Variants in CLRN1 observed in about 807,000 individuals in gnomAD.
CLRN1 encodes clarin 1, also known as clarin-1.
In CLRN1, 15 loss-of-function variants were observed where a neutral mutation model predicts 18.7. The ratio of observed to expected loss-of-function variants is 0.80; its 90% confidence interval spans 0.54 to 1.23. The LOEUF (loss-of-function observed/expected upper bound fraction) is 1.23. Among genes scored for constraint, CLRN1 ranks in the 50% most tolerant of loss-of-function variants. The probability of loss-of-function intolerance (pLI) is 0.00; values close to 1 mark genes in which losing one functional copy is unlikely to be tolerated. For missense variants in CLRN1, 311 were observed against 277.5 expected (o/e 1.12, Z -0.86); for synonymous variants, 104 against 102.9 (o/e 1.01, Z -0.07).
intron 1 of CLRN1, among the ~76,000 whole-genome samples, chr3:150,949,189 G>A (rs1297423478): frequency 1.3e-5 from 2 of 152,042 alleles, no homozygotes; most frequent in Non-Finnish European, 2.9e-5. Context: ...CAATAAACTA[G>A]GTATTAAAGG....
At chr3:150,948,932 T>C (rs1175010382) in intron 1 of CLRN1, among the ~76,000 whole-genome samples, 1 of 152,148 alleles carries the variant, frequency 6.6e-6, no homozygotes, top group Non-Finnish European at 1.5e-5. Flanking sequence ...CCGATATCCG[T>C]GATGAACATC....
chr3:150,957,805 T>C (rs548062947), intron 1 of CLRN1, among the ~76,000 whole-genome samples: 1 of 152,210 alleles, frequency 6.6e-6, no homozygotes, highest in South Asian at 2.1e-4. Flanking sequence ...TACAAGTGTG[T>C]GCCACCACGC....
rs569110935 is a variant in CLRN1, at chr3:150,926,920, T to C, written c.*1016A>G. ...ATTCAGGGGAAAAAAAAAGTTGACC[T>C]GGGTCATGCTTGGTGACAGCCAGAA... On this transcript the variant is annotated 3_prime_UTR_variant, in exon 3 of 3. Transcript: ENST00000327047. 1.1e-5 allele frequency: 17 copies of C among 1,613,862 alleles called. No homozygotes were observed. Among genetic ancestry groups the C allele is most frequent in the Non-Finnish European group, 1.4e-5 (17 of 1,179,962 alleles).
intron 2 of CLRN1, among the ~76,000 whole-genome samples, chr3:150,929,609 T>G (rs9840380): frequency 0.6 from 90,398 of 151,880 alleles, 28,690 homozygotes; most frequent in Non-Finnish European, 0.7. Flanking sequence ...TGCATTTGGC[T>G]TTGTAATTGA....
intron 1 of CLRN1, among the ~76,000 whole-genome samples, chr3:150,964,265 TC>T (rs1415874404): frequency 1.3e-5 from 2 of 152,254 alleles, no homozygotes; most frequent in East Asian, 3.9e-4. Flanking sequence ...CGGACACTTC[TC>T]AAAAGAAGAC....
In CLRN1 at chr3:150,928,442, GA is replaced by G. The variant is rs201571924; in HGVS notation, c.434-242del. ...GTGTGTGCGTGTAGGAGTGCAGTGG[GA>G]GGTAAGGAGGTGGTTAGAATTAAGC... On this transcript the variant is annotated intron_variant, in intron 2 of 2. Transcript: ENST00000327047. Among the ~76,000 whole-genome samples, 550 of 152,328 alleles carry G rather than the reference GA, an allele frequency of 3.6e-3. 4 individuals are homozygous for G. The highest frequency in any genetic ancestry group is 0.012 in the African/African-American group (497 of 41,568).
At chr3:150,968,758 C>G (rs7634871) in intron 1 of CLRN1, among the ~76,000 whole-genome samples, 9,523 of 152,170 alleles carry the variant, frequency 0.063, 520 homozygotes, top group East Asian at 0.15. Flanking sequence ...CACCATCAAT[C>G]ACCAACTTGT....
intron 2 of CLRN1, among the ~76,000 whole-genome samples, chr3:150,933,036 G>T (rs913343912): frequency 6.6e-5 from 10 of 152,136 alleles, no homozygotes; most frequent in Admixed American, 1.3e-4. Context: ...AAGAAGAAAT[G>T]GTCTAAAAAT....
At chr3:150,969,948 G>A (rs1432148721) in intron 1 of CLRN1, among the ~76,000 whole-genome samples, 1 of 152,152 alleles carries the variant, frequency 6.6e-6, no homozygotes, top group Admixed American at 6.5e-5. Context: ...CGAAGTGATT[G>A]TTACCTTGAT....
At position 150,941,611 on chromosome 3, in the gene CLRN1, A is replaced by G; in HGVS notation, c.404T>C (p.Leu135Pro). The change falls in exon 2 of 3, where the codon CTA becomes CCA. Residue 135 changes from leucine (L) to proline (P), a missense_variant. Coordinates refer to ENST00000327047, the MANE Select transcript of CLRN1 (RefSeq NM_174878.3). ...AATGAAGCTCAAAAGGTACAGCCCT[A>G]GGGGACCATGCAGAGTTTCAAAAGG... is the stretch of plus-strand genomic sequence containing the variant. Reference protein sequence around the residue: ...GKPFETLHGPLGLYLLSFISG... With the variant: ...GKPFETLHGPPGLYLLSFISG... The G allele has an allele frequency of 6.2e-7, 1 of 1,614,046 alleles. No homozygotes were observed. The highest frequency in any genetic ancestry group is 8.5e-7 in the Non-Finnish European group (1 of 1,179,928).
intron 1 of CLRN1, among the ~76,000 whole-genome samples, chr3:150,950,774 C>T (rs777032767): frequency 6.6e-6 from 1 of 152,116 alleles, no homozygotes; most frequent in Non-Finnish European, 1.5e-5. Context: ...GCAGAACGAC[C>T]ATTTGACCCA....
intron 2 of CLRN1, among the ~76,000 whole-genome samples, chr3:150,928,824 C>G (rs939915941): frequency 1.3e-5 from 2 of 152,142 alleles, no homozygotes; most frequent in Non-Finnish European, 2.9e-5. Context: ...ATGTGAGTGT[C>G]TTGAATTAAG....
downstream of CLRN1, chr3:150,926,471 C>A (rs1025789946): frequency 5.4e-6 from 2 of 372,004 alleles, no homozygotes; most frequent in Non-Finnish European, 1.0e-5. Flanking sequence ...GGGCTCTAGC[C>A]TGTTACCAAA....
At chr3:150,942,678 A>G (rs1713924500) in intron 1 of CLRN1, 1 of 415,522 alleles carries the variant, frequency 2.4e-6, no homozygotes, top group Non-Finnish European at 4.8e-6. Flanking sequence ...GCAAACAAAC[A>G]AATAAACGTG....
chr3:150,944,311 G>C (rs1222642744), intron 1 of CLRN1: 6 of 186,214 alleles, frequency 3.2e-5, no homozygotes, highest in African/African-American at 1.4e-4. Flanking sequence ...GCGAGGAGTT[G>C]GCTTTTTATT....
chr3:150,955,998 C>G (rs1714721083), intron 1 of CLRN1, among the ~76,000 whole-genome samples: 1 of 152,156 alleles, frequency 6.6e-6, no homozygotes, highest in African/African-American at 2.4e-5. Flanking sequence ...GTTTTGAAAT[C>G]ACCTTCTGTT....
At chr3:150,948,581 C>T (rs1714310785) in intron 1 of CLRN1, among the ~76,000 whole-genome samples, 1 of 151,604 alleles carries the variant, frequency 6.6e-6, no homozygotes. Context: ...CTATGAACAC[C>T]CATATGCACA....
chr3:150,937,943 G>A (rs1464731933), intron 2 of CLRN1, among the ~76,000 whole-genome samples: 1 of 152,142 alleles, frequency 6.6e-6, no homozygotes, highest in Non-Finnish European at 1.5e-5. Flanking sequence ...GTGTGGAAAG[G>A]TCCAGATAGA....
At chr3:150,968,307 C>A (rs574642496) in intron 1 of CLRN1, among the ~76,000 whole-genome samples, 2 of 152,142 alleles carry the variant, frequency 1.3e-5, no homozygotes, top group Non-Finnish European at 2.9e-5. Flanking sequence ...AGAGTTTAAA[C>A]ATCATCATTA....
Sources: allele counts gnomAD v4.1 joint callset (sites outside exome capture counted in the v4.1 genomes callset), GRCh38; gene constraint gnomAD v4.1.1; transcripts MANE v1.5; gene names NCBI Gene and HGNC (gene_info 2026-07-23, HGNC 2026-07-21).